Variants in LRP1B observed in about 807,000 individuals in gnomAD.
LRP1B encodes low-density lipoprotein receptor-related protein 1B.
In LRP1B, 217 loss-of-function variants were observed where a neutral mutation model predicts 556.6. The ratio of observed to expected loss-of-function variants is 0.39; its 90% CI spans 0.35 to 0.44. The LOEUF (loss-of-function observed/expected upper bound fraction) is 0.44. LRP1B is among the 20% of genes least tolerant of loss of function. The pLI, the probability that LRP1B is intolerant of heterozygous loss-of-function variation, is 1.00. For synonymous variants in LRP1B, 2,047 were observed against 1,865.8 expected, an observed-to-expected ratio of 1.10 and a Z score of -2.50; for missense variants, 5,053 against 5,620.8, an observed-to-expected ratio of 0.90 and a Z score of 3.23.
chr2:140,943,240 T>C (rs142950198), intron 20 of LRP1B, among the ~76,000 whole-genome samples: 1 of 152,216 alleles, frequency 6.6e-6, no homozygotes, highest in East Asian at 1.9e-4. Flanking sequence ...CTAACTTTCC[T>C]AAATATACAT....
intron 84 of LRP1B, among the ~76,000 whole-genome samples, chr2:140,288,560 CAAAT>C (rs1007690179): frequency 2.6e-5 from 4 of 151,768 alleles, no homozygotes; most frequent in East Asian, 1.9e-4. Flanking sequence ...AGGCAAGCCT[CAAAT>C]AAATATTTTT....
intron 8 of LRP1B, among the ~76,000 whole-genome samples, chr2:141,059,679 G>C (rs962137327): frequency 6.6e-6 from 1 of 151,766 alleles, no homozygotes; most frequent in Non-Finnish European, 1.5e-5. Context: ...ATAGGAAATA[G>C]AACAGTTTCT....
chr2:140,981,892 C>T lies in LRP1B; in HGVS notation c.2887+268G>A, dbSNP rs187067003. ...ACATTTGAGAGTGTCCTGTTAGCCG[C>T]GTAATAACCACTTCCTAATAAAATC... On this transcript the variant is annotated intron_variant, in intron 18 of 90. Coordinates refer to ENST00000389484, the MANE Select transcript of LRP1B (RefSeq NM_018557.3). Among the ~76,000 whole-genome samples the T allele has an allele frequency of 2.4e-4, 37 of 152,212 alleles. No homozygotes were observed. In the East Asian group the frequency reaches 4.4e-3, roughly 18 times the overall value.
chr2:140,715,893 T>G, intron 37 of LRP1B, 80 bp downstream of exon 37: 1 of 1,200,144 alleles, frequency 8.3e-7, no homozygotes, highest in Non-Finnish European at 1.1e-6. Flanking sequence ...ACATTACAGC[T>G]AAAAGTAATT....
intron 1 of LRP1B, among the ~76,000 whole-genome samples, chr2:141,907,260 G>T (rs1023667480): frequency 9.3e-5 from 14 of 150,952 alleles, no homozygotes; most frequent in Non-Finnish European, 2.1e-4. Context: ...GTAAATGAAA[G>T]GTCAAATTTC....
At chr2:141,968,231 G>A (rs1701617336) in intron 1 of LRP1B, among the ~76,000 whole-genome samples, 1 of 151,720 alleles carries the variant, frequency 6.6e-6, no homozygotes, top group Admixed American at 6.6e-5. Context: ...CCGGCAAAAA[G>A]CCTTTGTCCA....
intron 1 of LRP1B, among the ~76,000 whole-genome samples, chr2:141,970,229 A>G (rs991718394): frequency 3.2e-4 from 48 of 151,706 alleles, no homozygotes; most frequent in African/African-American, 1.1e-3. Flanking sequence ...GTCTGTGGGT[A>G]GTTGCTTTAC....
At chr2:140,810,509 G>A (rs1002827015) in intron 32 of LRP1B, among the ~76,000 whole-genome samples, 3 of 151,950 alleles carry the variant, frequency 2.0e-5, no homozygotes, top group African/African-American at 7.3e-5. Context: ...AGCCTCAGCA[G>A]CAAGTAGGCC....
At position 142,053,437 on chromosome 2, in the gene LRP1B, C is replaced by A. The variant is rs577392995; in HGVS notation, c.82+77211G>T. Among the ~76,000 whole-genome samples the A allele has an allele frequency of 4.0e-4, 61 of 151,982 alleles. 1 individual carries two copies. Among genetic ancestry groups the A allele is most frequent in the African/African-American group, 1.4e-3 (58 of 41,472 alleles). ...TAGACTCCAACATTAGAAAGGAGAA[C>A]TTTTCTATCATTTTTATGTTAATGG... On this transcript the variant is annotated intron_variant, in intron 1 of 90. Coordinates refer to ENST00000389484, the MANE Select transcript of LRP1B (RefSeq NM_018557.3).
rs546244448 is a variant in LRP1B, at chr2:140,852,401, G to T, written c.4580-618C>A. ...TGAGGAGCAACCAGGAATAATTAGTGAATTTAATATAAAATAAACTAAGAT... is the reference window on the plus strand; with the variant it reads ...TGAGGAGCAACCAGGAATAATTAGTTAATTTAATATAAAATAAACTAAGAT... On this transcript the variant is annotated intron_variant, in intron 27 of 90. Coordinates refer to ENST00000389484, the MANE Select transcript of LRP1B (RefSeq NM_018557.3). Among the ~76,000 whole-genome samples, 4 of 152,270 alleles carry T rather than the reference G, an allele frequency of 2.6e-5. No individual in the cohort carries two copies. The South Asian group carries it at 8.3e-4, about 32-fold the overall frequency.
chr2:142,028,114 T>C (rs972369114), intron 1 of LRP1B, among the ~76,000 whole-genome samples: 2 of 151,996 alleles, frequency 1.3e-5, no homozygotes, highest in African/African-American at 4.8e-5. Context: ...TCAGTTCTAG[T>C]CCATGAACAA....
At chr2:142,000,034 ATATG>A (rs1427676966) in intron 1 of LRP1B, among the ~76,000 whole-genome samples, 2 of 146,196 alleles carry the variant, frequency 1.4e-5, no homozygotes, top group Non-Finnish European at 3.0e-5. Context: ...ACTATATAAT[ATATG>A]TGATATATAC....
intron 83 of LRP1B, among the ~76,000 whole-genome samples, chr2:140,308,965 C>T (rs1684181161): frequency 6.6e-6 from 1 of 151,770 alleles, no homozygotes; most frequent in Non-Finnish European, 1.5e-5. Flanking sequence ...AGCCTATCTC[C>T]TGACCTCTTG....
intron 2 of LRP1B, among the ~76,000 whole-genome samples, chr2:141,501,407 AGAAATCATAGTATACTACAT>A (rs1683706627): frequency 6.6e-6 from 1 of 152,210 alleles, no homozygotes; most frequent in African/African-American, 2.4e-5. Context: ...GCCTAAAAGG[AGAAATCATAGTATACTACAT>A]GAAAAGAAAA....
chr2:140,293,334 T>A (rs1388193536), intron 84 of LRP1B, among the ~76,000 whole-genome samples: 1 of 152,216 alleles, frequency 6.6e-6, no homozygotes, highest in Non-Finnish European at 1.5e-5. Flanking sequence ...ATACTAGTAA[T>A]TCTTGTTCTA....
At chr2:141,264,319 T>C (rs979474324) in intron 3 of LRP1B, among the ~76,000 whole-genome samples, 1 of 152,186 alleles carries the variant, frequency 6.6e-6, no homozygotes, top group Non-Finnish European at 1.5e-5. Flanking sequence ...ATGTTAATAT[T>C]TCATAAGATT....
rs1646846981 is a variant in LRP1B at position 141,674,398 on chromosome 2, C to T, written c.205+135881G>A. ...TTAGTCACACAGAGCAACGTTTTCC[C>T]ATCTCTTGTCTTCTTAAGACCAATT... On this transcript the variant is annotated intron_variant, in intron 2 of 90. Transcript: ENST00000389484. 2.0e-5 allele frequency among the ~76,000 whole-genome samples: 3 copies of T among 152,166 alleles called. No homozygotes were observed. The South Asian group carries it at 6.2e-4, about 32-fold the overall frequency.
At chr2:141,818,656 C>T (rs1284056032) in intron 1 of LRP1B, among the ~76,000 whole-genome samples, 1 of 149,412 alleles carries the variant, frequency 6.7e-6, no homozygotes, top group Admixed American at 6.8e-5. Flanking sequence ...CCTGCCTCAG[C>T]CTCCCGAGTA....
chr2:140,837,584 C>T (rs1417879255), intron 31 of LRP1B, among the ~76,000 whole-genome samples: 1 of 148,692 alleles, frequency 6.7e-6, no homozygotes, highest in Non-Finnish European at 1.5e-5. Context: ...ATTGAATGTT[C>T]AATCATCATC....
Sources: gnomAD v4.1 joint callset for allele counts (sites outside exome capture counted in the v4.1 genomes callset) on GRCh38, gnomAD v4.1.1 for gene constraint, MANE v1.5 for transcripts, NCBI Gene and HGNC (gene_info 2026-07-23, HGNC 2026-07-21) for gene names.